Variants in DEAF1 observed in about 807,000 individuals in gnomAD.
The protein encoded by DEAF1 is deformed epidermal autoregulatory factor 1 homolog.
In DEAF1, 53 loss-of-function variants were observed where a neutral mutation model predicts 58.9. The observed-to-expected ratio is 0.90, with a 90% CI of 0.72 to 1.13. The LOEUF is 1.13. Ranked by LOEUF, DEAF1 falls within the 50% of genes most tolerant of loss-of-function variation. The probability of loss-of-function intolerance (pLI) is 0.00; values close to 1 mark genes in which losing one functional copy is unlikely to be tolerated. For missense variants in DEAF1, 685 were observed against 791.4 expected, an observed-to-expected ratio of 0.87 and a Z score of 1.61; for synonymous variants, 385 against 340.4, an observed-to-expected ratio of 1.13 and a Z score of -1.44.
Position 679,774 on chromosome 11 carries a change from A to G in DEAF1, c.1040T>C (p.Leu347Pro). Residue 347 changes from leucine to proline, a missense_variant, in exon 8 of 12, where the codon CTG (leucine) becomes CCG (proline). By Grantham distance (98) the Leu-to-Pro change is moderately conservative. Coordinates refer to ENST00000382409, the MANE Select transcript of DEAF1 (RefSeq NM_021008.4). The part of the protein sequence containing the change: ...PSGQITTSGA[L>P]TFDRASTVEA... ...TACCGTGGACGCTCGGTCAAAGGTC[A>G]GTGCCCCCGAGGTCGTGATCTGTCC... 2 of 1,613,902 alleles carry G rather than the reference A, an allele frequency of 1.2e-6. No homozygotes were observed. The highest frequency in any genetic ancestry group is 1.7e-6 in the Non-Finnish European group (2 of 1,180,042).
chr11:663,519 C>T (rs1157334880), intron 10 of DEAF1, among the ~76,000 whole-genome samples: 2 of 151,940 alleles, frequency 1.3e-5, no homozygotes, highest in Admixed American at 6.6e-5. Flanking sequence ...TCAGCAACTG[C>T]CTCTGGTGTG....
chr11:702,917 C>T (rs780059195), intron 1 of DEAF1: 2 of 1,552,756 alleles, frequency 1.3e-6, no homozygotes, highest in Non-Finnish European at 8.8e-7. Context: ...CTCGCACCAC[C>T]TTCCCTCCCC....
intron 10 of DEAF1, among the ~76,000 whole-genome samples, chr11:666,869 T>A (rs1377520103): frequency 3.1e-5 from 3 of 98,230 alleles, no homozygotes; most frequent in Non-Finnish European, 5.5e-5. Context: ...CAAGACTCTG[T>A]CTCCAAAAAA....
chr11:687,976 T>C lies in DEAF1; in HGVS notation c.599A>G (p.Asp200Gly). Reference sequence around the variant, plus strand: ...CCGGCACCGTACGGGCAGCTCACTGTCGTACACAGAAGGGTCCCAGTTGTA... The same window carrying C: ...CCGGCACCGTACGGGCAGCTCACTGCCGTACACAGAAGGGTCCCAGTTGTA... Reference protein sequence around the residue: ...TKYNWDPSVYDSELPVRCRNI... With the variant: ...TKYNWDPSVYGSELPVRCRNI... The change falls in exon 4 of 12, where the codon GAC (aspartate) becomes GGC (glycine). Residue 200 changes from aspartate (D) to glycine (G), a missense_variant. Physicochemically the swap from Asp to Gly is moderately conservative, Grantham distance 94 (BLOSUM62 -1). Transcript: ENST00000382409. The C allele has an allele frequency of 6.2e-7, 1 of 1,614,082 alleles. No individual in the cohort carries two copies. Among genetic ancestry groups the C allele is most frequent in the Non-Finnish European group, 8.5e-7 (1 of 1,180,014 alleles).
chr11:655,840 ATTATTT>A (rs1003776631), intron 10 of DEAF1, among the ~76,000 whole-genome samples: 4 of 110,234 alleles, frequency 3.6e-5, no homozygotes, highest in Non-Finnish European at 8.6e-5. Flanking sequence ...TATTATTATT[ATTATTT>A]TTTTGAGATG....
intron 9 of DEAF1, among the ~76,000 whole-genome samples, chr11:676,851 C>A (rs1201207101): frequency 6.6e-6 from 1 of 152,134 alleles, no homozygotes; most frequent in Non-Finnish European, 1.5e-5. Flanking sequence ...CTAGCACAAA[C>A]CCTGAGGTTC....
At chr11:655,745 TTCAG>T (rs1232756939) in intron 10 of DEAF1, among the ~76,000 whole-genome samples, 1 of 152,172 alleles carries the variant, frequency 6.6e-6, no homozygotes, top group Non-Finnish European at 1.5e-5. Flanking sequence ...AGCTCCGACA[TTCAG>T]TCACTCACTT....
intron 10 of DEAF1, chr11:654,550 G>A (rs1858953731): frequency 2.2e-6 from 1 of 455,392 alleles, no homozygotes; most frequent in South Asian, 1.5e-5. Flanking sequence ...CCTGGCCTCA[G>A]TGCAGTTTGC....
At chr11:704,789 C>A in intron 1 of DEAF1, 1 of 561,720 alleles carries the variant, frequency 1.8e-6, no homozygotes, top group Non-Finnish European at 2.8e-6. Context: ...AGGCTCCGCA[C>A]TCAAAATCGT....
At chr11:663,988 G>A (rs373415140) in intron 10 of DEAF1, among the ~76,000 whole-genome samples, 24 of 152,280 alleles carry the variant, frequency 1.6e-4, no homozygotes, top group Non-Finnish European at 2.5e-4. Flanking sequence ...TGAGGTGGGC[G>A]GATCACGTGA....
chr11:703,822 G>C, intron 1 of DEAF1: 3 of 1,234,530 alleles, frequency 2.4e-6, no homozygotes, highest in Non-Finnish European at 3.0e-6. Flanking sequence ...AGAGGTCAGG[G>C]CTAAGGCCGG....
At chr11:669,361 G>C (rs959082342) in intron 10 of DEAF1, among the ~76,000 whole-genome samples, 18 of 152,148 alleles carry the variant, frequency 1.2e-4, no homozygotes, top group Non-Finnish European at 1.5e-4. Context: ...AATCAACTGG[G>C]TGCAGTACCT....
chr11:696,051 C>T (rs1359833010), upstream of DEAF1, among the ~76,000 whole-genome samples: 1 of 152,044 alleles, frequency 6.6e-6, no homozygotes, highest in African/African-American at 2.4e-5. Context: ...AGAGCTCCCC[C>T]GCGCGCGGGC....
intron 11 of DEAF1, among the ~76,000 whole-genome samples, chr11:652,630 T>C (rs1050367207): frequency 2.1e-4 from 32 of 151,824 alleles, no homozygotes; most frequent in African/African-American, 7.7e-4. Flanking sequence ...AGAGCAAAAC[T>C]GTCTCAAAAA....
At chr11:699,751 C>CAAA, upstream of DEAF1, 1 of 166,428 alleles carries the variant, frequency 6.0e-6, no homozygotes, top group Non-Finnish European at 1.3e-5. Context: ...GACTCTATCT[C>CAAA]AAAAAAAAAA....
intron 11 of DEAF1, chr11:646,589 G>C (rs1216738083): frequency 1.3e-5 from 2 of 152,246 alleles, no homozygotes; most frequent in Non-Finnish European, 2.9e-5. Context: ...GCGCACATCA[G>C]TGTTGACTCT....
At chr11:654,967 G>T (rs1173378322) in intron 10 of DEAF1, among the ~76,000 whole-genome samples, 1 of 151,278 alleles carries the variant, frequency 6.6e-6, no homozygotes, top group African/African-American at 2.5e-5. Context: ...TTAGGAGATC[G>T]AGACCATCCT....
At chr11:669,897 T>TC (rs1204371768) in intron 10 of DEAF1, among the ~76,000 whole-genome samples, 1 of 132,998 alleles carries the variant, frequency 7.5e-6, no homozygotes, top group African/African-American at 2.9e-5. Context: ...ATCAGTGTAC[T>TC]CCAGCCTGGG....
chr11:685,397 A>C (rs1860549552), intron 5 of DEAF1, among the ~76,000 whole-genome samples: 1 of 152,158 alleles, frequency 6.6e-6, no homozygotes, highest in Non-Finnish European at 1.5e-5. Flanking sequence ...TAAAGATAAA[A>C]ATTCTGCAAA....
Sources: gnomAD v4.1 joint callset for allele counts (sites outside exome capture counted in the v4.1 genomes callset) on GRCh38, gnomAD v4.1.1 for gene constraint, MANE v1.5 for transcripts, NCBI Gene and HGNC (gene_info 2026-07-23, HGNC 2026-07-21) for gene names.